Variants in NEK11 observed in about 807,000 individuals in gnomAD.
NEK11 encodes NIMA related kinase 11.
NEK11 carries 72 observed loss-of-function variants against 80.7 expected under a neutral mutation model. That is an observed-to-expected ratio of 0.89 (90% CI 0.74 to 1.08). The LOEUF is 1.08. Among genes scored for constraint, NEK11 ranks in the 50% least tolerant of loss-of-function variants. NEK11 has a pLI of 0.00. For synonymous variants in NEK11, 251 were observed against 260.7 expected, an observed-to-expected ratio of 0.96 and a Z score of 0.36; for missense variants, 764 against 763.6, an observed-to-expected ratio of 1.00 and a Z score of -0.01.
chr3:131,287,211 A>G (rs983013453), intron 17 of NEK11, among the ~76,000 whole-genome samples: 1 of 152,196 alleles, frequency 6.6e-6, no homozygotes, highest in Non-Finnish European at 1.5e-5. Context: ...GTAAGGGTGT[A>G]TCATGGGAAT....
chr3:131,125,113 G>A (rs1031019610), intron 5 of NEK11, among the ~76,000 whole-genome samples: 1 of 152,156 alleles, frequency 6.6e-6, no homozygotes, highest in Non-Finnish European at 1.5e-5. Context: ...GGTTAAAGAG[G>A]CTAAAGATTA....
intron 4 of NEK11, among the ~76,000 whole-genome samples, chr3:131,086,384 T>C (rs2075984328): frequency 6.6e-6 from 1 of 152,244 alleles, no homozygotes; most frequent in Admixed American, 6.5e-5. Flanking sequence ...TACTAATTGG[T>C]ATTCCACTGT....
At chr3:131,039,715 G>A (rs952082602) in intron 3 of NEK11, among the ~76,000 whole-genome samples, 9 of 152,106 alleles carry the variant, frequency 5.9e-5, no homozygotes, top group African/African-American at 2.2e-4. Flanking sequence ...ATATGTATAT[G>A]ACTTAAATTT....
chr3:131,096,926 C>A (rs961203015), intron 4 of NEK11, among the ~76,000 whole-genome samples: 6 of 136,400 alleles, frequency 4.4e-5, no homozygotes, highest in Non-Finnish European at 6.2e-5. Flanking sequence ...TGATGTTCCC[C>A]TTCCTGTGTC....
intron 17 of NEK11, among the ~76,000 whole-genome samples, chr3:131,302,914 G>A (rs768754850): frequency 1.3e-5 from 2 of 151,968 alleles, no homozygotes. Flanking sequence ...TTTCTGCCTC[G>A]GTGCTCTGTC....
At chr3:131,211,905 G>C (rs965654194) in intron 14 of NEK11, among the ~76,000 whole-genome samples, 6 of 151,946 alleles carry the variant, frequency 3.9e-5, no homozygotes, top group Non-Finnish European at 5.9e-5. Flanking sequence ...TCCTGGGTTC[G>C]AACATCCTCC....
At chr3:131,341,517 T>C (rs12638561) in intron 17 of NEK11, among the ~76,000 whole-genome samples, 18,177 of 152,188 alleles carry the variant, frequency 0.12, 1,543 homozygotes, top group East Asian at 0.3. Context: ...ATCTATTAAG[T>C]TCAGCTTATT....
intron 3 of NEK11, among the ~76,000 whole-genome samples, chr3:131,048,259 C>T (rs1181507906): frequency 1.3e-5 from 2 of 152,204 alleles, no homozygotes; most frequent in Non-Finnish European, 2.9e-5. Flanking sequence ...CCTGCCGCAG[C>T]TTCTGTGCTG....
chr3:131,182,703 T>A (rs1351559361), intron 14 of NEK11, among the ~76,000 whole-genome samples: 1 of 152,212 alleles, frequency 6.6e-6, no homozygotes. Context: ...AGTAAATATT[T>A]GTAGGTGAGT....
At chr3:131,299,582 G>C (rs1173466445) in intron 17 of NEK11, among the ~76,000 whole-genome samples, 1 of 152,080 alleles carries the variant, frequency 6.6e-6, no homozygotes, top group East Asian at 1.9e-4. Flanking sequence ...TTGTGTTCAT[G>C]TATACTCAAT....
In NEK11 at chr3:131,165,422, A is replaced by G. The variant is rs2092115569; in HGVS notation, c.1083-4A>G. ...ATTTTTCTACATTCACTTTAAATTTACAGAAAGATTGTGGAAGAAAAATAT... is the reference window on the plus strand; with the variant it reads ...ATTTTTCTACATTCACTTTAAATTTGCAGAAAGATTGTGGAAGAAAAATAT... On this transcript the variant is annotated splice_region_variant and splice_polypyrimidine_tract_variant and intron_variant, in intron 11 of 17. Transcript: ENST00000383366. 1 of 1,575,938 alleles carries G rather than the reference A, an allele frequency of 6.3e-7. No homozygotes were observed. Among genetic ancestry groups the G allele is most frequent in the Non-Finnish European group, 8.7e-7 (1 of 1,145,760 alleles).
intron 10 of NEK11, among the ~76,000 whole-genome samples, chr3:131,155,842 A>G (rs2090561997): frequency 6.6e-6 from 1 of 152,152 alleles, no homozygotes; most frequent in Non-Finnish European, 1.5e-5. Flanking sequence ...ATGTTTCTCA[A>G]CGCTACCATG....
intron 3 of NEK11, among the ~76,000 whole-genome samples, chr3:131,055,124 T>C (rs1419646916): frequency 6.6e-6 from 1 of 152,192 alleles, no homozygotes; most frequent in Non-Finnish European, 1.5e-5. Flanking sequence ...TCACTTTGAT[T>C]TGAAGACCTA....
chr3:131,208,735 G>T (rs993570160), intron 14 of NEK11, among the ~76,000 whole-genome samples: 1 of 152,158 alleles, frequency 6.6e-6, no homozygotes, highest in Non-Finnish European at 1.5e-5. Context: ...AATTGTGAAT[G>T]GGAGTTCACT....
At chr3:131,098,988 T>C (rs2077937122) in intron 4 of NEK11, among the ~76,000 whole-genome samples, 1 of 152,182 alleles carries the variant, frequency 6.6e-6, no homozygotes, top group East Asian at 1.9e-4. Flanking sequence ...TTTAATTAGG[T>C]CCCACTTGTT....
chr3:131,110,021 C>A, intron 5 of NEK11, 100 bp downstream of exon 5: 1 of 1,266,844 alleles, frequency 7.9e-7, no homozygotes. Flanking sequence ...AAAACAAGTT[C>A]AAAAGGTATA....
At chr3:131,313,935 T>C (rs142998288) in intron 17 of NEK11, among the ~76,000 whole-genome samples, 1 of 152,334 alleles carries the variant, frequency 6.6e-6, no homozygotes, top group Non-Finnish European at 1.5e-5. Flanking sequence ...GTTTTCAAGT[T>C]AAGGTATATT....
At chr3:131,264,532 G>T (rs1362318301) in intron 16 of NEK11, among the ~76,000 whole-genome samples, 1 of 152,098 alleles carries the variant, frequency 6.6e-6, no homozygotes, top group Non-Finnish European at 1.5e-5. Context: ...TAGATGTGTG[G>T]TATTATTTCT....
At chr3:131,210,024 A>G (rs1481232555) in intron 14 of NEK11, among the ~76,000 whole-genome samples, 3 of 152,122 alleles carry the variant, frequency 2.0e-5, no homozygotes, top group Non-Finnish European at 4.4e-5. Context: ...GCCTTCTGCT[A>G]GCTTTTGAAT....
Sources: gnomAD v4.1 joint callset for allele counts (sites outside exome capture counted in the v4.1 genomes callset) on GRCh38, gnomAD v4.1.1 for gene constraint, MANE v1.5 for transcripts, NCBI Gene and HGNC (gene_info 2026-07-23, HGNC 2026-07-21) for gene names.